Variants in MACF1 observed in about 807,000 individuals in gnomAD.
MACF1 encodes microtubule actin crosslinking factor 1.
A neutral mutation model predicts 854.8 loss-of-function variants in MACF1; 193 were observed. That is an observed-to-expected ratio of 0.23 (90% confidence interval 0.20 to 0.25). The LOEUF (loss-of-function observed/expected upper bound fraction) is 0.25, where lower values mean the gene tolerates loss of function less well. MACF1 is among the 10% of genes least tolerant of loss of function. The pLI is 1.00. For synonymous variants in MACF1, 3,185 were observed against 3,226.7 expected (o/e 0.99, Z 0.44); for missense variants, 7,722 against 8,929.1 (o/e 0.86, Z 5.45).
At position 39,360,849 on chromosome 1, in the gene MACF1, C is replaced by G. The variant is rs138390862; in HGVS notation, c.12301C>G (p.Leu4101Val). 3.1e-5 allele frequency: 50 copies of G among 1,613,948 alleles called. No individual in the cohort carries two copies. The highest frequency in any genetic ancestry group is 4.1e-5 in the Non-Finnish European group (48 of 1,180,014). Residue 4101 changes from leucine (L) to valine (V), a missense_variant, in exon 48 of 101, where the codon CTG (leucine) becomes GTG (valine). Leu to Val is a conservative substitution (Grantham distance 32, BLOSUM62 1). This residue lies in a region of MACF1 where 2,807 missense variants were observed against 3,235.8 expected (regional missense o/e 0.87). Transcript: ENST00000564288. ...CTATAGCCTGGCTGAGCGATCTTCT[C>G]TGCTGCAGAAAGCAATTGCCCAATC... is the stretch of plus-strand genomic sequence containing the variant. ...LSYSLAERSS[L>V]LQKAIAQSQS...
intron 95 of MACF1, among the ~76,000 whole-genome samples, chr1:39,466,540 C>T (rs1001287855): frequency 5.9e-5 from 9 of 152,208 alleles, no homozygotes; most frequent in African/African-American, 1.7e-4. Context: ...CCCTGGGGTA[C>T]ACACAGGTGC....
At chr1:39,471,255 T>C (rs1022201246) in intron 97 of MACF1, among the ~76,000 whole-genome samples, 2 of 152,190 alleles carry the variant, frequency 1.3e-5, no homozygotes, top group African/African-American at 4.8e-5. Context: ...TGGATTATAA[T>C]AAGTTAGAAG....
intron 92 of MACF1, among the ~76,000 whole-genome samples, chr1:39,461,136 C>G (rs1032744337): frequency 2.7e-5 from 4 of 148,412 alleles, no homozygotes; most frequent in African/African-American, 9.9e-5. Flanking sequence ...AGCTGGGAAA[C>G]AATATGATTT....
chr1:39,190,855 C>T (rs1459068359), intron 2 of MACF1, among the ~76,000 whole-genome samples: 4 of 151,114 alleles, frequency 2.6e-5, no homozygotes, highest in African/African-American at 4.9e-5. Context: ...ATTAGCCGGG[C>T]GTGGTGGTGT....
At chr1:39,468,527 T>C (rs1644714929) in intron 95 of MACF1, 88 bp from the exon 96 acceptor site, 1 of 1,049,508 alleles carries the variant, frequency 9.5e-7, no homozygotes, top group Non-Finnish European at 1.4e-6. Context: ...CAAATTGTCA[T>C]TCCTGTCTGA....
rs528394505 is a variant in MACF1, at chr1:39,378,446, T to C, written c.13214-15T>C. ...GTTGGTCTTGCCCTGTTTGTCTCCC[T>C]GTCCTTCTGCTCAGGTTCCATACTG... On this transcript the variant is annotated splice_polypyrimidine_tract_variant and intron_variant, in intron 52 of 100. Coordinates refer to ENST00000564288, the MANE Select transcript of MACF1 (RefSeq NM_001394062.1). 2.7e-5 allele frequency: 43 copies of C among 1,611,616 alleles called. No homozygotes were observed. In the East Asian group the frequency reaches 9.1e-4, roughly 34 times the overall value.
At chr1:39,190,409 T>TTTG (rs1644240341) in intron 2 of MACF1, among the ~76,000 whole-genome samples, 1 of 141,066 alleles carries the variant, frequency 7.1e-6, no homozygotes, top group Admixed American at 7.3e-5. Flanking sequence ...TTGTTTTTTT[T>TTTG]TTTTTTTTTT....
chr1:39,463,325 A>G (rs948670186), intron 93 of MACF1, among the ~76,000 whole-genome samples: 4 of 148,864 alleles, frequency 2.7e-5, no homozygotes, highest in Admixed American at 2.7e-4. Context: ...CATCTCTACT[A>G]AAAAAATACA....
intron 49 of MACF1, 58 bp from the exon 50 acceptor site, chr1:39,368,090 T>C (rs1006826954): frequency 6.9e-7 from 1 of 1,448,846 alleles, no homozygotes; most frequent in African/African-American, 1.4e-5. Flanking sequence ...CTTATTCCTT[T>C]TTAGAGTATA....
chr1:39,312,901 T>G (rs1209876917), intron 26 of MACF1, among the ~76,000 whole-genome samples: 1 of 152,168 alleles, frequency 6.6e-6, no homozygotes, highest in Non-Finnish European at 1.5e-5. Context: ...ATTTCATCAG[T>G]TGACCAAATA....
At chr1:39,424,344 A>T (rs928799572) in intron 61 of MACF1, 150 bp downstream of exon 61, 9 of 606,322 alleles carry the variant, frequency 1.5e-5, no homozygotes, top group Non-Finnish European at 2.5e-5. Context: ...TTTAGAGATG[A>T]TCCTCATAAT....
intron 1 of MACF1, among the ~76,000 whole-genome samples, chr1:39,205,816 G>C (rs971368259): frequency 1.3e-5 from 2 of 151,972 alleles, no homozygotes; most frequent in African/African-American, 2.4e-5. Flanking sequence ...TTTTTGTAAT[G>C]GCACCAGAAC....
At chr1:39,276,334 G>A (rs905738208) in intron 6 of MACF1, among the ~76,000 whole-genome samples, 22 of 151,992 alleles carry the variant, frequency 1.4e-4, no homozygotes, top group African/African-American at 4.8e-4. Context: ...AGAACAACTC[G>A]TCTCATCCAC....
At chr1:39,403,848 G>A (rs1642579716) in intron 58 of MACF1, among the ~76,000 whole-genome samples, 1 of 151,856 alleles carries the variant, frequency 6.6e-6, no homozygotes, top group South Asian at 2.1e-4. Flanking sequence ...GGGCGGGGGG[G>A]CCGGGCTTCG....
intron 2 of MACF1, among the ~76,000 whole-genome samples, chr1:39,148,678 C>T (rs1643514117): frequency 6.6e-6 from 1 of 152,154 alleles, no homozygotes; most frequent in Non-Finnish European, 1.5e-5. Flanking sequence ...ATGCATTGCA[C>T]TTGAGACAGT....
chr1:39,224,669 A>G (rs1644692419), intron 1 of MACF1, among the ~76,000 whole-genome samples: 1 of 152,152 alleles, frequency 6.6e-6, no homozygotes, highest in Admixed American at 6.5e-5. Context: ...GGAGAGAGAG[A>G]GAGCAGTTGA....
chr1:39,357,962 CTG>C (rs1043294534), intron 45 of MACF1, 69 bp downstream of exon 45: 1 of 1,475,618 alleles, frequency 6.8e-7, no homozygotes, highest in African/African-American at 1.4e-5. Flanking sequence ...TAGGTAGTGT[CTG>C]GGGCTCAGAA....
intron 89 of MACF1, chr1:39,456,614 T>G (rs748269174): frequency 1.3e-5 from 2 of 152,200 alleles, no homozygotes; most frequent in Non-Finnish European, 2.9e-5. Context: ...CTCTGAGAGA[T>G]TATCTTCTTC....
intron 2 of MACF1, among the ~76,000 whole-genome samples, chr1:39,112,610 A>C (rs889273415): frequency 2.6e-5 from 4 of 152,092 alleles, no homozygotes; most frequent in Non-Finnish European, 5.9e-5. Context: ...CCTGGGAGAC[A>C]GAGGAGGCTG....
Sources: allele counts gnomAD v4.1 joint callset (sites outside exome capture counted in the v4.1 genomes callset), GRCh38; gene constraint gnomAD v4.1.1; regional missense constraint gnomAD v4.1.1; transcripts MANE v1.5; gene names NCBI Gene and HGNC (gene_info 2026-07-23, HGNC 2026-07-21).